Variants in DOCK4 observed in about 807,000 individuals in gnomAD.
DOCK4 encodes dedicator of cytokinesis 4.
Under a neutral mutation model 268.1 loss-of-function variants are expected in DOCK4, and 97 were observed. The ratio of observed to expected loss-of-function variants is 0.36; its 90% confidence interval spans 0.31 to 0.43. The LOEUF (loss-of-function observed/expected upper bound fraction) is 0.43, where lower values mean the gene tolerates loss of function less well. Ranked by LOEUF, DOCK4 falls within the 20% of genes least tolerant of loss-of-function variation. DOCK4 has a pLI of 1.00. For synonymous variants in DOCK4, 954 were observed against 887.2 expected (o/e 1.08, Z -1.34); for missense variants, 2,145 against 2,455.7 (o/e 0.87, Z 2.67).
chr7:112,047,824 C>T (rs1333888527), intron 1 of DOCK4, among the ~76,000 whole-genome samples: 1 of 152,174 alleles, frequency 6.6e-6, no homozygotes, highest in Admixed American at 6.5e-5. Flanking sequence ...ATCTGAGTAG[C>T]TAGGACTGCA....
chr7:112,046,497 C>T (rs1419969989), intron 1 of DOCK4, among the ~76,000 whole-genome samples: 1 of 152,120 alleles, frequency 6.6e-6, no homozygotes. Context: ...ACATGTCTAC[C>T]TAATACTTCT....
intron 1 of DOCK4, among the ~76,000 whole-genome samples, chr7:112,125,955 T>C (rs943573593): frequency 6.6e-6 from 1 of 152,118 alleles, no homozygotes; most frequent in African/African-American, 2.4e-5. Flanking sequence ...ACTATAGGCA[T>C]GCACCACCAT....
intron 1 of DOCK4, among the ~76,000 whole-genome samples, chr7:112,070,701 TTAAAAA>T (rs1217544947): frequency 5.9e-5 from 9 of 151,954 alleles, no homozygotes; most frequent in Non-Finnish European, 1.2e-4. Flanking sequence ...AACTATAAAA[TTAAAAA>T]TAAAAATAAA....
chr7:112,171,397 T>C (rs1287839769), intron 1 of DOCK4, among the ~76,000 whole-genome samples: 1 of 150,102 alleles, frequency 6.7e-6, no homozygotes, highest in Non-Finnish European at 1.5e-5. Context: ...ATATAATCCA[T>C]GTAAAAAAAC....
intron 52 of DOCK4, among the ~76,000 whole-genome samples, chr7:111,729,614 G>A (rs184858185): frequency 3.3e-5 from 5 of 152,264 alleles, no homozygotes; most frequent in East Asian, 1.9e-4. Flanking sequence ...GTTTGGAAGA[G>A]AGGGAACTGG....
intron 30 of DOCK4, among the ~76,000 whole-genome samples, chr7:111,801,347 A>C (rs1800264182): frequency 6.6e-6 from 1 of 151,726 alleles, no homozygotes; most frequent in South Asian, 2.1e-4. Context: ...AAGCCTCCCC[A>C]CCTCTGTCTC....
intron 1 of DOCK4, among the ~76,000 whole-genome samples, chr7:112,177,953 C>T (rs1217662111): frequency 6.6e-6 from 1 of 152,230 alleles, no homozygotes; most frequent in African/African-American, 2.4e-5. Context: ...ACAGGCTACA[C>T]ACCTATACCT....
At chr7:112,176,646 T>C (rs182796639) in intron 1 of DOCK4, among the ~76,000 whole-genome samples, 9 of 152,298 alleles carry the variant, frequency 5.9e-5, no homozygotes, top group African/African-American at 1.9e-4. Context: ...ATATTTTAAT[T>C]ACATTAATTT....
chr7:112,118,133 AATAT>A (rs71867772), intron 1 of DOCK4, among the ~76,000 whole-genome samples: 1 of 148,608 alleles, frequency 6.7e-6, no homozygotes, highest in African/African-American at 2.5e-5. Flanking sequence ...TCTTATTTAT[AATAT>A]ATATATATAT....
intron 1 of DOCK4, among the ~76,000 whole-genome samples, chr7:112,014,619 G>T (rs1238503650): frequency 6.6e-6 from 1 of 152,074 alleles, no homozygotes; most frequent in Non-Finnish European, 1.5e-5. Flanking sequence ...TATTGCCAGA[G>T]ATTTTTAAAT....
At chr7:111,858,046 T>G (rs1479013825) in intron 23 of DOCK4, among the ~76,000 whole-genome samples, 1 of 152,190 alleles carries the variant, frequency 6.6e-6, no homozygotes, top group East Asian at 1.9e-4. Flanking sequence ...TGTTCTAGAA[T>G]TTGACCTTGG....
intron 42 of DOCK4, among the ~76,000 whole-genome samples, chr7:111,750,493 G>A (rs559088044): frequency 3.3e-5 from 5 of 152,068 alleles, no homozygotes; most frequent in East Asian, 1.9e-4. Flanking sequence ...TTTCATAATC[G>A]ACACTTCATA....
intron 12 of DOCK4, among the ~76,000 whole-genome samples, chr7:111,933,672 C>T (rs901287338): frequency 2.0e-5 from 3 of 152,080 alleles, no homozygotes; most frequent in African/African-American, 7.2e-5. Flanking sequence ...TTTCTCCTGT[C>T]TCGTGTGAGT....
At chr7:112,094,592 A>C (rs910273833) in intron 1 of DOCK4, among the ~76,000 whole-genome samples, 1 of 152,220 alleles carries the variant, frequency 6.6e-6, no homozygotes, top group Non-Finnish European at 1.5e-5. Context: ...TGTGATTGAA[A>C]ATTACAAAAC....
intron 1 of DOCK4, among the ~76,000 whole-genome samples, chr7:112,048,456 A>T (rs895653271): frequency 1.3e-5 from 2 of 151,138 alleles, no homozygotes; most frequent in African/African-American, 4.9e-5. Flanking sequence ...CCAGCTACTC[A>T]GGAGGCTGAG....
intron 24 of DOCK4, among the ~76,000 whole-genome samples, chr7:111,846,489 TC>T (rs1472131133): frequency 2.0e-4 from 30 of 150,580 alleles, no homozygotes; most frequent in African/African-American, 7.0e-4. Context: ...AATCCCCAAA[TC>T]CATAACAATT....
intron 1 of DOCK4, among the ~76,000 whole-genome samples, chr7:112,120,560 T>C (rs1268882792): frequency 6.6e-6 from 1 of 152,218 alleles, no homozygotes; most frequent in Admixed American, 6.5e-5. Context: ...AGGACAAATT[T>C]TGGGGACACA....
intron 23 of DOCK4, among the ~76,000 whole-genome samples, chr7:111,850,475 T>C (rs1445613880): frequency 6.6e-6 from 1 of 151,936 alleles, no homozygotes; most frequent in Non-Finnish European, 1.5e-5. Flanking sequence ...ACCCTCACCT[T>C]GAAAAAAGCC....
chr7:111,777,165 A>G (rs1017223225), intron 36 of DOCK4, among the ~76,000 whole-genome samples: 1 of 152,206 alleles, frequency 6.6e-6, no homozygotes, highest in Non-Finnish European at 1.5e-5. Flanking sequence ...GCTAGACACC[A>G]TGAAGGTCAG....
Sources: gnomAD v4.1 joint callset for allele counts (sites outside exome capture counted in the v4.1 genomes callset) on GRCh38, gnomAD v4.1.1 for gene constraint, MANE v1.5 for transcripts, NCBI Gene and HGNC (gene_info 2026-07-23, HGNC 2026-07-21) for gene names.